LRRIQ1: variants seen among roughly 807,000 people sequenced by gnomAD.
LRRIQ1 encodes the protein leucine-rich repeat- and IQ domain-containing protein 1.
LRRIQ1 carries 210 observed loss-of-function variants against 211.9 expected under a neutral mutation model. The ratio of observed to expected loss-of-function variants is 0.99; its 90% CI spans 0.89 to 1.11. The LOEUF (loss-of-function observed/expected upper bound fraction) is 1.11. Ranked by LOEUF, LRRIQ1 falls within the 50% of genes most tolerant of loss-of-function variation. The pLI, the probability that LRRIQ1 is intolerant of heterozygous loss-of-function variation, is 0.00. For synonymous variants in LRRIQ1, 699 were observed against 650.1 expected, an observed-to-expected ratio of 1.08 and a Z score of -1.14; for missense variants, 2,136 against 1,939.5, an observed-to-expected ratio of 1.10 and a Z score of -1.90.
chr12:85,237,604 T>A (rs921155618), intron 26 of LRRIQ1, among the ~76,000 whole-genome samples: 1 of 152,066 alleles, frequency 6.6e-6, no homozygotes, highest in Non-Finnish European at 1.5e-5. Flanking sequence ...CGGGAAACAT[T>A]GGAGTTCTGA....
intron 19 of LRRIQ1, among the ~76,000 whole-genome samples, chr12:85,146,747 C>T (rs960608192): frequency 6.6e-6 from 1 of 151,742 alleles, no homozygotes; most frequent in African/African-American, 2.4e-5. Context: ...AGTTCAGGAA[C>T]AAGGAACAAG....
At chr12:85,188,911 T>C (rs191104516) in intron 24 of LRRIQ1, among the ~76,000 whole-genome samples, 2 of 152,286 alleles carry the variant, frequency 1.3e-5, no homozygotes, top group Admixed American at 6.5e-5. Flanking sequence ...ATAGGAATTA[T>C]GATCCGCAGG....
At chr12:85,260,109 A>T (rs1056076907) in intron 1 of LRRIQ1, among the ~76,000 whole-genome samples, 2 of 138,264 alleles carry the variant, frequency 1.4e-5, no homozygotes, top group Non-Finnish European at 3.1e-5. Flanking sequence ...CCCTCCTTAC[A>T]TGTTACTTTT....
At chr12:85,248,799 G>T (rs1212275704), downstream of LRRIQ1, among the ~76,000 whole-genome samples, 1 of 151,644 alleles carries the variant, frequency 6.6e-6, no homozygotes, top group African/African-American at 2.4e-5. Context: ...TAAGGAAAGA[G>T]GTAGAAGAAA....
intron 24 of LRRIQ1, among the ~76,000 whole-genome samples, chr12:85,192,626 AAATAAATATATATAGTTATATAC>A (rs1892607228): frequency 9.4e-6 from 1 of 105,880 alleles, no homozygotes; most frequent in East Asian, 2.6e-4. Flanking sequence ...CTATAATTAT[AAATAAATATATATAGTTATATAC>A]TATAATTATA....
chr12:85,219,690 CA>C (rs1461278877), intron 24 of LRRIQ1, among the ~76,000 whole-genome samples: 1 of 151,918 alleles, frequency 6.6e-6, no homozygotes, highest in African/African-American at 2.4e-5. Context: ...GCACTATTCC[CA>C]AAATTTCTGT....
intron 11 of LRRIQ1, among the ~76,000 whole-genome samples, chr12:85,085,613 T>C (rs2049037042): frequency 6.6e-6 from 1 of 152,218 alleles, no homozygotes; most frequent in Admixed American, 6.5e-5. Flanking sequence ...TGGTAGTTTC[T>C]ACTATTTATT....
At chr12:85,226,869 T>G (rs1170521946) in intron 24 of LRRIQ1, among the ~76,000 whole-genome samples, 13 of 152,146 alleles carry the variant, frequency 8.5e-5, no homozygotes, top group Non-Finnish European at 1.3e-4. Context: ...CATCCTTTTT[T>G]ATGGCTGCAT....
chr12:85,056,506 G>T lies in LRRIQ1; in HGVS notation c.1713G>T (p.Glu571Asp), dbSNP rs752277650. The change falls in exon 8 of 27, where the codon GAG becomes GAT. Residue 571 changes from glutamate (E) to aspartate (D), a missense_variant. Transcript: ENST00000393217. Reference sequence around the variant, plus strand: ...TCAGTGAGGTGAAAACCAATGAAGAGCAGAAAATAATCAAAGATAATCAGC... The same window carrying T: ...TCAGTGAGGTGAAAACCAATGAAGATCAGAAAATAATCAAAGATAATCAGC... ...QEISEVKTNEEQKIIKDNQQK... is the reference protein window; with the variant it reads ...QEISEVKTNEDQKIIKDNQQK... The T allele has an allele frequency of 6.2e-7, 1 of 1,611,804 alleles. No individual in the cohort carries two copies. Among genetic ancestry groups the T allele is most frequent in the East Asian group, 2.2e-5 (1 of 44,718 alleles).
At chr12:85,039,854 G>A (rs953257775) in intron 2 of LRRIQ1, among the ~76,000 whole-genome samples, 1 of 151,522 alleles carries the variant, frequency 6.6e-6, no homozygotes, top group Middle Eastern at 3.2e-3. Flanking sequence ...GATGCTTCAA[G>A]TATTTTGTTG....
chr12:85,208,917 C>A (rs536331521), intron 24 of LRRIQ1, among the ~76,000 whole-genome samples: 1 of 152,072 alleles, frequency 6.6e-6, no homozygotes, highest in Admixed American at 6.6e-5. Flanking sequence ...TTTCTGTCTT[C>A]TGGTGCTGTT....
intron 19 of LRRIQ1, among the ~76,000 whole-genome samples, chr12:85,145,846 G>A (rs1462336920): frequency 1.3e-5 from 2 of 151,770 alleles, no homozygotes; most frequent in Non-Finnish European, 2.9e-5. Context: ...TCTTTGGAAA[G>A]ATAGTCTGTA....
intron 12 of LRRIQ1, 50 bp downstream of exon 12, chr12:85,098,598 T>G: frequency 6.9e-7 from 1 of 1,439,178 alleles, no homozygotes; most frequent in Non-Finnish European, 9.5e-7. Flanking sequence ...CACTTTTCTT[T>G]TGATAGAAAT....
At chr12:85,049,839 CTG>C (rs1342360394) in intron 6 of LRRIQ1, among the ~76,000 whole-genome samples, 1 of 152,214 alleles carries the variant, frequency 6.6e-6, no homozygotes, top group Non-Finnish European at 1.5e-5. Flanking sequence ...ATTTTGGACT[CTG>C]TAGCATTTTA....
intron 22 of LRRIQ1, 83 bp downstream of exon 22, chr12:85,153,841 G>T: frequency 9.9e-7 from 1 of 1,010,098 alleles, no homozygotes. Flanking sequence ...AAGATTTTAA[G>T]AATACCTATA....
chr12:85,136,264 A>G (rs1242165461), intron 18 of LRRIQ1, among the ~76,000 whole-genome samples: 1 of 151,944 alleles, frequency 6.6e-6, no homozygotes, highest in African/African-American at 2.4e-5. Context: ...AGTATATGCT[A>G]ATGAAGGAGT....
chr12:85,175,436 G>A (rs900548941), intron 24 of LRRIQ1, among the ~76,000 whole-genome samples: 6 of 151,942 alleles, frequency 3.9e-5, no homozygotes, highest in Non-Finnish European at 7.4e-5. Flanking sequence ...AGTATTCTTC[G>A]GGCAGAAGAA....
chr12:85,127,687 T>C, intron 17 of LRRIQ1, 145 bp from the exon 18 acceptor site: 1 of 673,716 alleles, frequency 1.5e-6, no homozygotes, highest in South Asian at 2.1e-5. Flanking sequence ...TCTATGACAA[T>C]GGTTAAACAA....
At chr12:85,078,766 T>G (rs1362039675) in intron 11 of LRRIQ1, among the ~76,000 whole-genome samples, 4 of 152,146 alleles carry the variant, frequency 2.6e-5, no homozygotes, top group Non-Finnish European at 4.4e-5. Flanking sequence ...TTCTCAGAAA[T>G]TATTGAGGAC....
Sources: allele counts gnomAD v4.1 joint callset (sites outside exome capture counted in the v4.1 genomes callset), GRCh38; gene constraint gnomAD v4.1.1; transcripts MANE v1.5; gene names NCBI Gene and HGNC (gene_info 2026-07-23, HGNC 2026-07-21).